The following FOXK2 variants were observed in gnomAD, a reference collection of about 807,000 sequenced individuals.
The protein encoded by FOXK2 is forkhead box protein K2.
In FOXK2, 24 loss-of-function variants were observed where a neutral mutation model predicts 53.3. The ratio of observed to expected loss-of-function variants is 0.45; its 90% CI spans 0.33 to 0.63. The LOEUF is 0.63. Ranked by LOEUF, FOXK2 falls within the 30% of genes least tolerant of loss-of-function variation. The probability of loss-of-function intolerance (pLI) is 0.03; values close to 1 mark genes in which losing one functional copy is unlikely to be tolerated. For missense variants in FOXK2, 952 were observed against 910.5 expected, an observed-to-expected ratio of 1.05 and a Z score of -0.59; for synonymous variants, 505 against 407.1, an observed-to-expected ratio of 1.24 and a Z score of -2.89.
chr17:82,601,159 G>C, intron 8 of FOXK2, 144 bp from the exon 9 acceptor site: 2 of 878,540 alleles, frequency 2.3e-6, no homozygotes, highest in Non-Finnish European at 3.4e-6. Flanking sequence ...CCGCGGGCCT[G>C]GGAGTGGCAG....
intron 1 of FOXK2, among the ~76,000 whole-genome samples, chr17:82,532,432 C>T (rs1251478529): frequency 2.0e-5 from 3 of 152,128 alleles, no homozygotes; most frequent in African/African-American, 4.8e-5. Context: ...GCGTGAGCCA[C>T]TGCGCCTGGC....
chr17:82,585,028 C>T (rs781703183), intron 6 of FOXK2, among the ~76,000 whole-genome samples: 16 of 152,238 alleles, frequency 1.1e-4, no homozygotes, highest in East Asian at 1.9e-4. Flanking sequence ...CTGGCCCTGC[C>T]GGGCCAGAGA....
intron 1 of FOXK2, among the ~76,000 whole-genome samples, chr17:82,540,610 T>C (rs1245489471): frequency 6.6e-6 from 1 of 152,116 alleles, no homozygotes; most frequent in Non-Finnish European, 1.5e-5. Flanking sequence ...AACCCTTTCC[T>C]TCCTCCCACA....
rs144516241 is a variant in FOXK2 at position 82,582,894 on chromosome 17, G to T, written c.1063G>T (p.Val355Leu). Residue 355 changes from valine (V) to leucine (L), a missense_variant, in exon 5 of 9, where the codon GTG becomes TTG. Physicochemically the swap from Val to Leu is conservative, Grantham distance 32. Coordinates refer to ENST00000335255, the MANE Select transcript of FOXK2 (RefSeq NM_004514.4). ...QAFRKRRPRG[V>L]PCFRTPLGPL... Reference sequence around the variant, plus strand: ...TTTTAGGAAACGACGGCCTAGGGGCGTGCCCTGCTTTAGAACCCCTCTGGG... The same window carrying T: ...TTTTAGGAAACGACGGCCTAGGGGCTTGCCCTGCTTTAGAACCCCTCTGGG... 1.2e-6 allele frequency: 2 copies of T among 1,609,180 alleles called. No individual in the cohort carries two copies. Among genetic ancestry groups the T allele is most frequent in the Non-Finnish European group, 8.5e-7 (1 of 1,178,910 alleles).
At chr17:82,572,026 C>A in intron 4 of FOXK2, 156 bp downstream of exon 4, 1 of 596,890 alleles carries the variant, frequency 1.7e-6, no homozygotes, top group Non-Finnish European at 2.7e-6. Context: ...GCCGGTGCTG[C>A]CATGCTCTGC....
At chr17:82,526,831 A>C (rs76424492) in intron 1 of FOXK2, among the ~76,000 whole-genome samples, 2 of 53,432 alleles carry the variant, frequency 3.7e-5, no homozygotes, top group Non-Finnish European at 8.1e-5. Context: ...ACTCCGTCTC[A>C]AAAAAAAAAA....
In FOXK2 at chr17:82,602,508, T is replaced by C. The variant is rs2045397407; in HGVS notation, c.*1009T>C. 6.6e-6 allele frequency: 1 copy of C among 152,292 alleles called. No homozygotes were observed. The highest frequency in any genetic ancestry group is 2.1e-4 in the South Asian group (1 of 4,834). 9.4% of individuals were successfully genotyped at this position (152,292 alleles called of 1,614,324 possible). On this transcript the variant is annotated 3_prime_UTR_variant, in exon 9 of 9. Coordinates refer to ENST00000335255, the MANE Select transcript of FOXK2 (RefSeq NM_004514.4). ...CAGGTCTCTCCGTGGTATGTTTGTA[T>C]TTGGGGTGTCCCTCCGGCTCTAGGC...
chr17:82,536,624 C>A (rs1358840483), intron 1 of FOXK2, among the ~76,000 whole-genome samples: 4 of 152,206 alleles, frequency 2.6e-5, no homozygotes. Flanking sequence ...CCTGAGCCCT[C>A]CTTGAACTCT....
chr17:82,556,982 C>T (rs11650050), intron 1 of FOXK2, among the ~76,000 whole-genome samples: 4,615 of 151,644 alleles, frequency 0.03, 92 homozygotes, highest in Non-Finnish European at 0.044. Context: ...GGATGACAGG[C>T]GTGAGCCACC....
At chr17:82,601,119 G>A in intron 8 of FOXK2, 184 bp from the exon 9 acceptor site, 1 of 623,262 alleles carries the variant, frequency 1.6e-6, no homozygotes, top group Non-Finnish European at 2.7e-6. Context: ...TGGCCACCGT[G>A]GGCCAGTCCC....
chr17:82,571,357 T>C (rs534093952), intron 3 of FOXK2, among the ~76,000 whole-genome samples: 1 of 152,148 alleles, frequency 6.6e-6, no homozygotes, highest in Non-Finnish European at 1.5e-5. Context: ...TCCCAGCACG[T>C]TGGGAGGCCG....
intron 6 of FOXK2, 86 bp from the exon 7 acceptor site, chr17:82,585,818 A>T: frequency 7.5e-7 from 1 of 1,339,434 alleles, no homozygotes; most frequent in Non-Finnish European, 1.0e-6. Flanking sequence ...TAAAGTTTGT[A>T]TGTTGCTTGT....
At chr17:82,580,168 G>C (rs867546521) in intron 4 of FOXK2, among the ~76,000 whole-genome samples, 42 of 53,072 alleles carry the variant, frequency 7.9e-4, no homozygotes, top group East Asian at 1.3e-3. Flanking sequence ...CCATGTCGCC[G>C]GTGAAGTAGC....
At chr17:82,601,169 G>C in intron 8 of FOXK2, 134 bp from the exon 9 acceptor site, 1 of 970,894 alleles carries the variant, frequency 1.0e-6, no homozygotes, top group Non-Finnish European at 1.5e-6. Flanking sequence ...GGGAGTGGCA[G>C]GACCCTTAGA....
Position 82,587,077 on chromosome 17 carries a change from A to G in FOXK2, c.1591A>G (p.Ile531Val), listed in dbSNP as rs1304510709. The stretch of plus-strand genomic sequence containing the variant: ...TTTAATTTCAGTGAAAGTAGAGCCT[A>G]TTCCCGCCATTGGCCACGCCACGCT... ...HREVKVKVEP[I>V]PAIGHATLGT... The change falls in exon 8 of 9, where the codon ATT (isoleucine) becomes GTT (valine). Residue 531 changes from isoleucine (I) to valine (V), a missense_variant. Ile to Val is a conservative substitution (Grantham distance 29). Around this residue, in one of 5 missense-constraint regions of FOXK2, gnomAD observed 551 missense variants for 385.1 expected, o/e 1.43. Coordinates refer to ENST00000335255, the MANE Select transcript of FOXK2 (RefSeq NM_004514.4). 5 of 1,612,750 alleles carry G rather than the reference A, an allele frequency of 3.1e-6. No individual in the cohort carries two copies. The highest frequency in any genetic ancestry group is 1.3e-5 in the African/African-American group (1 of 74,930).
chr17:82,583,610 G>T (rs893250628), intron 5 of FOXK2, among the ~76,000 whole-genome samples: 1 of 152,150 alleles, frequency 6.6e-6, no homozygotes, highest in Non-Finnish European at 1.5e-5. Flanking sequence ...GTGTTAATTT[G>T]CCTGAGTTTA....
intron 2 of FOXK2, among the ~76,000 whole-genome samples, chr17:82,564,472 G>A (rs1271186641): frequency 6.6e-6 from 1 of 151,936 alleles, no homozygotes; most frequent in Non-Finnish European, 1.5e-5. Context: ...CTGGACTTAA[G>A]TGATCCTCCC....
intron 4 of FOXK2, among the ~76,000 whole-genome samples, chr17:82,576,398 G>A (rs975314912): frequency 3.9e-5 from 6 of 152,196 alleles, no homozygotes; most frequent in Non-Finnish European, 8.8e-5. Flanking sequence ...AGGAGGGGAG[G>A]AATACTACGG....
intron 1 of FOXK2, among the ~76,000 whole-genome samples, chr17:82,535,561 T>G (rs1033283247): frequency 6.6e-6 from 1 of 152,148 alleles, no homozygotes; most frequent in Non-Finnish European, 1.5e-5. Flanking sequence ...TCTTCAAGTT[T>G]CCTGATTCTT....
Sources: allele counts gnomAD v4.1 joint callset (sites outside exome capture counted in the v4.1 genomes callset), GRCh38; gene constraint gnomAD v4.1.1; regional missense constraint gnomAD v4.1.1; transcripts MANE v1.5; gene names NCBI Gene and HGNC (gene_info 2026-07-23, HGNC 2026-07-21).